The following RIOX2 variants were observed in gnomAD, a reference collection of about 807,000 sequenced individuals.
RIOX2 encodes 60S ribosomal protein L27a histidine hydroxylase.
A neutral mutation model predicts 51.2 loss-of-function variants in RIOX2; 43 were observed. The observed-to-expected ratio is 0.84, with a 90% CI of 0.66 to 1.08. The LOEUF (loss-of-function observed/expected upper bound fraction) is 1.08. RIOX2 is among the 50% of genes least tolerant of loss of function. The pLI is 0.00. For synonymous variants in RIOX2, 226 were observed against 218.5 expected (o/e 1.03, Z -0.30); for missense variants, 566 against 561.7 (o/e 1.01, Z -0.08).
intron 7 of RIOX2, 30 bp downstream of exon 7, chr3:97,949,814 G>A: frequency 6.2e-7 from 1 of 1,605,188 alleles, no homozygotes; most frequent in Non-Finnish European, 8.5e-7. Context: ...ATTAGCCTCT[G>A]ACCACCCAGA....
chr3:97,962,084 T>C (rs2107180707), intron 2 of RIOX2, among the ~76,000 whole-genome samples: 1 of 152,240 alleles, frequency 6.6e-6, no homozygotes, highest in South Asian at 2.1e-4. Context: ...AGGAAGCTTC[T>C]CAGGCAGCAG....
chr3:97,965,018 C>T (rs1705828499), intron 2 of RIOX2, among the ~76,000 whole-genome samples: 2 of 152,068 alleles, frequency 1.3e-5, no homozygotes, highest in Non-Finnish European at 2.9e-5. Flanking sequence ...TTCACTCTAA[C>T]AGTCTCTCAA....
rs768909920 is a variant in RIOX2, at chr3:97,959,080, C to T, written c.652G>A (p.Gly218Ser). The T allele has an allele frequency of 4.3e-6, 7 of 1,613,490 alleles. No individual in the cohort carries two copies. The highest frequency in any genetic ancestry group is 2.2e-5 in the East Asian group (1 of 44,830). Residue 218 changes from glycine (G) to serine (S), a missense_variant, in exon 4 of 10, where the codon GGC becomes AGC. Physicochemically the swap from Gly to Ser is moderately conservative, Grantham distance 56. Transcript: ENST00000394198. ...AGCATAAACTCATGCACCGGCCTGC[C>T]GATCCTTTCCTCGGCCTCCACGCTG... ...EYSVEAEERI[G>S]RPVHEFMLKP... is the part of the protein sequence containing the mutation.
chr3:97,945,314 T>C lies in RIOX2; in HGVS notation c.1268A>G (p.His423Arg), dbSNP rs1475611209. The change falls in exon 10 of 10, where the codon CAT becomes CGT. Residue 423 changes from histidine (H) to arginine (R), a missense_variant. His to Arg is a conservative substitution (Grantham distance 29, BLOSUM62 0). Transcript: ENST00000394198. ...CCAAATTTGCTTCAGTGCATCCAAA[T>C]GTGACAAAGGGAAGCGAAGTCCATG... ...EFHGLRFPLS[H>R]LDALKQIWNS... is the part of the protein sequence containing the mutation. 1.9e-6 allele frequency: 3 copies of C among 1,611,938 alleles called. No homozygotes were observed. Among genetic ancestry groups the C allele is most frequent in the Admixed American group, 3.3e-5 (2 of 59,816 alleles).
At chr3:97,970,839 C>CAGAT (rs1354572895) in intron 1 of RIOX2, among the ~76,000 whole-genome samples, 1 of 152,142 alleles carries the variant, frequency 6.6e-6, no homozygotes, top group Non-Finnish European at 1.5e-5. Flanking sequence ...AACAGACAGA[C>CAGAT]AGTCACTATA....
At position 97,967,351 on chromosome 3, in the gene RIOX2, G is replaced by C. The variant is rs143209673; in HGVS notation, c.243C>G (p.Phe81Leu). 2 of 1,614,132 alleles carry C rather than the reference G, an allele frequency of 1.2e-6. No individual in the cohort carries two copies. The highest frequency in any genetic ancestry group is 8.5e-7 in the Non-Finnish European group (1 of 1,180,036). The change falls in exon 2 of 10, where the codon TTC becomes TTG. Residue 81 changes from phenylalanine to leucine, a missense_variant. Transcript: ENST00000394198. ...ACAGACTCTTCAGATCTGTTAGCTT[G>C]AACAGGGACCCATAGTATGTGGCCA... ...PALATYYGSL[F>L]KLTDLKSLCS...
chr3:97,952,248 C>T (rs1320415717), intron 5 of RIOX2: 2 of 1,289,134 alleles, frequency 1.6e-6, no homozygotes, highest in East Asian at 1.1e-4. Context: ...CTAGCTCCAG[C>T]ATCACTGTCC....
chr3:97,947,493 A>T (rs370916438), intron 7 of RIOX2, 44 bp from the exon 8 acceptor site: 53 of 1,507,138 alleles, frequency 3.5e-5, no homozygotes, highest in Non-Finnish European at 4.7e-5. Flanking sequence ...AAAAAAGGAA[A>T]CAGGCAGATT....
At chr3:97,968,130 C>T (rs1287913136) in intron 1 of RIOX2, among the ~76,000 whole-genome samples, 1 of 152,148 alleles carries the variant, frequency 6.6e-6, no homozygotes, top group Non-Finnish European at 1.5e-5. Context: ...AGCACCACCC[C>T]AACTGTTGCG....
chr3:97,954,526 G>A (rs1440168249), intron 4 of RIOX2, 31 bp from the exon 5 acceptor site: 1 of 1,557,750 alleles, frequency 6.4e-7, no homozygotes, highest in Non-Finnish European at 8.8e-7. Context: ...GGGTAGAGAA[G>A]TTAATAAGTA....
Position 97,945,199 on chromosome 3 carries a change from T to TC in RIOX2, c.1382_1383insG (p.Ile462AsnfsTer27). 6.2e-7 allele frequency: 1 copy of TC among 1,609,886 alleles called. No homozygotes were observed. Among genetic ancestry groups the TC allele is most frequent in the Non-Finnish European group, 8.5e-7 (1 of 1,178,118 alleles). On this transcript the variant is annotated frameshift_variant, in exon 10 of 10. Coordinates refer to ENST00000394198, the MANE Select transcript of RIOX2 (RefSeq NM_153182.4). LOFTEE classifies it high-confidence loss of function. The stretch of plus-strand genomic sequence containing the variant: ...TGCAAAGGCACTAGACTACTTGAAT[T>TC]AAACATTCTGTCCAGAGGGATAATA...
chr3:97,963,686 T>C (rs962788269), intron 2 of RIOX2, among the ~76,000 whole-genome samples: 2 of 152,144 alleles, frequency 1.3e-5, no homozygotes, highest in African/African-American at 4.8e-5. Flanking sequence ...CAGGACTGTA[T>C]AGGTGATTTT....
Position 97,943,052 on chromosome 3 carries a change from T to C in RIOX2, c.*2132A>G. ...CAATTTGAGTCATAATAAGGTCCAA[T>C]TTGAGGTGAATAATGGCTAAGCCTG... On this transcript the variant is annotated 3_prime_UTR_variant, in exon 10 of 10. Transcript: ENST00000394198. The C allele has an allele frequency of 3.5e-6, 2 of 573,352 alleles. No homozygotes were observed. Among genetic ancestry groups the C allele is most frequent in the Non-Finnish European group, 6.1e-6 (2 of 326,214 alleles). The allele number at this position is 573,352 out of a possible 1,614,324, so 35.5% of individuals were successfully genotyped here.
At chr3:97,958,310 TAAGTTACATGTTTTAAGA>T in intron 4 of RIOX2, among the ~76,000 whole-genome samples, 1 of 152,344 alleles carries the variant, frequency 6.6e-6, no homozygotes, top group Non-Finnish European at 1.5e-5. Context: ...TAAAGGAAAT[TAAGTTACATGTTTTAAGA>T]AAGAGTATAA....
intron 3 of RIOX2, 135 bp from the exon 4 acceptor site, chr3:97,959,314 T>G (rs889488474): frequency 3.2e-5 from 26 of 817,488 alleles, no homozygotes; most frequent in Non-Finnish European, 4.5e-5. Flanking sequence ...AGGTTTTTTT[T>G]TTTTTTTTTT....
In RIOX2 at chr3:97,967,369, T is replaced by C. The variant is rs1489445665; in HGVS notation, c.225A>G (p.Thr75=). ...LIQRDDPALA[T]YYGSLFKLTD... is the part of the protein sequence containing the mutation. The stretch of plus-strand genomic sequence containing the variant: ...TTAGCTTGAACAGGGACCCATAGTA[T>C]GTGGCCAGTGCAGGGTCATCTCTCT... The change falls in exon 2 of 10, where the codon ACA becomes ACG. Residue 75 remains threonine (T), a synonymous_variant. Transcript: ENST00000394198. The C allele has an allele frequency of 6.2e-7, 1 of 1,614,170 alleles. No individual in the cohort carries two copies. The highest frequency in any genetic ancestry group is 1.1e-5 in the South Asian group (1 of 91,074).
intron 9 of RIOX2, 183 bp from the exon 10 acceptor site, chr3:97,945,525 T>C (rs1187711004): frequency 2.6e-5 from 16 of 615,322 alleles, no homozygotes; most frequent in South Asian, 4.3e-5. Context: ...TCCTAATTTA[T>C]GTAGTAAGTG....
intron 1 of RIOX2, among the ~76,000 whole-genome samples, chr3:97,968,911 C>A (rs181289582): frequency 6.6e-6 from 1 of 152,254 alleles, no homozygotes; most frequent in East Asian, 1.9e-4. Context: ...GTTTTCTGTT[C>A]TTTTGTCATT....
At chr3:97,971,382 C>T (rs1016939764) in intron 1 of RIOX2, among the ~76,000 whole-genome samples, 2 of 152,144 alleles carry the variant, frequency 1.3e-5, no homozygotes, top group African/African-American at 2.4e-5. Context: ...TAATGGAGGA[C>T]AACAGTCAAA....
Sources: allele counts gnomAD v4.1 joint callset (sites outside exome capture counted in the v4.1 genomes callset), GRCh38; gene constraint gnomAD v4.1.1; transcripts MANE v1.5; gene names NCBI Gene and HGNC (gene_info 2026-07-23, HGNC 2026-07-21).